The following FUT9 variants were observed in gnomAD, a reference collection of about 807,000 sequenced individuals.
FUT9 encodes fucosyltransferase 9.
Under a neutral mutation model 29.7 loss-of-function variants are expected in FUT9, and 15 were observed. That is an observed-to-expected ratio of 0.51 (90% CI 0.34 to 0.78). The LOEUF (loss-of-function observed/expected upper bound fraction) is 0.78. Among genes scored for constraint, FUT9 ranks in the 30% least tolerant of loss-of-function variants. FUT9 has a pLI of 0.01. For missense variants in FUT9, 319 were observed against 425.4 expected, an observed-to-expected ratio of 0.75 and a Z score of 2.20; for synonymous variants, 169 against 153.7, an observed-to-expected ratio of 1.10 and a Z score of -0.74.
In FUT9 at chr6:96,036,086, A is replaced by C. The variant is rs1337125746; in HGVS notation, c.-98+19874A>C. Reference sequence around the variant, plus strand: ...TAATATAATACAGTATTATAATTAAAATATAATATAATATTTAATAATAAT... The same window carrying C: ...TAATATAATACAGTATTATAATTAACATATAATATAATATTTAATAATAAT... On this transcript the variant is annotated intron_variant, in intron 1 of 2. Transcript: ENST00000302103. Among the ~76,000 whole-genome samples, 5 of 143,118 alleles carry C rather than the reference A, an allele frequency of 3.5e-5. No homozygotes were observed. The East Asian group carries it at 8.0e-4, about 23-fold the overall frequency. 93.9% of individuals were successfully genotyped at this position (143,118 alleles called of 152,430 possible). A position where few individuals can be genotyped will look rare whatever the true frequency, so the allele number is the denominator to read the frequency against.
intron 1 of FUT9, among the ~76,000 whole-genome samples, chr6:96,040,430 C>T (rs184421229): frequency 6.6e-6 from 1 of 152,210 alleles, no homozygotes; most frequent in East Asian, 1.9e-4. Flanking sequence ...AACTAGCAAT[C>T]CTCGATATTC....
At chr6:96,200,841 C>G (rs1773714835) in intron 2 of FUT9, among the ~76,000 whole-genome samples, 1 of 151,958 alleles carries the variant, frequency 6.6e-6, no homozygotes, top group Non-Finnish European at 1.5e-5. Flanking sequence ...AGAGATTGTC[C>G]AATTAAATTT....
At chr6:96,174,464 C>T (rs1450777916) in intron 2 of FUT9, among the ~76,000 whole-genome samples, 1 of 152,000 alleles carries the variant, frequency 6.6e-6, no homozygotes, top group Non-Finnish European at 1.5e-5. Flanking sequence ...AATAAAAAAA[C>T]ATCCCCACTG....
rs138824311 is a variant in FUT9 at position 96,158,398 on chromosome 6, G to A, written c.-9+44271G>A. Among the ~76,000 whole-genome samples the A allele has an allele frequency of 3.5e-4, 53 of 152,218 alleles. 1 individual carries two copies. Among genetic ancestry groups the A allele is most frequent in the African/African-American group, 1.2e-3 (51 of 41,560 alleles). ...ATGATATGTGTGTATGTATGTGTGT[G>A]TATTTCCTGAGACTTACTAAGATAT... On this transcript the variant is annotated intron_variant, in intron 2 of 2. Transcript: ENST00000302103.
chr6:96,103,415 A>G (rs1771621893), intron 1 of FUT9, among the ~76,000 whole-genome samples: 1 of 152,176 alleles, frequency 6.6e-6, no homozygotes, highest in Admixed American at 6.5e-5. Context: ...ATCTATGAGG[A>G]GTGTGTTAAT....
At chr6:96,191,783 C>T (rs1471698112) in intron 2 of FUT9, among the ~76,000 whole-genome samples, 3 of 151,066 alleles carry the variant, frequency 2.0e-5, no homozygotes, top group African/African-American at 7.3e-5. Context: ...AGAAAAAGAA[C>T]ATCGATGGAA....
intron 2 of FUT9, among the ~76,000 whole-genome samples, chr6:96,130,410 C>T (rs1296998254): frequency 6.6e-6 from 1 of 152,054 alleles, no homozygotes; most frequent in Admixed American, 6.6e-5. Context: ...CTCTCCCCAC[C>T]ATCATCTTGA....
At chr6:96,056,131 T>C (rs961508902) in intron 1 of FUT9, among the ~76,000 whole-genome samples, 22 of 152,344 alleles carry the variant, frequency 1.4e-4, no homozygotes, top group African/African-American at 5.3e-4. Flanking sequence ...TATACCTTCG[T>C]TATATATTCT....
chr6:96,164,336 G>A (rs1772972918), intron 2 of FUT9, among the ~76,000 whole-genome samples: 1 of 137,590 alleles, frequency 7.3e-6, no homozygotes, highest in African/African-American at 2.8e-5. Context: ...TCAGCTCACT[G>A]CAACCTCCGC....
chr6:96,069,277 C>T (rs145125309), intron 1 of FUT9, among the ~76,000 whole-genome samples: 6,271 of 151,292 alleles, frequency 0.041, 177 homozygotes, highest in South Asian at 0.12. Flanking sequence ...GCCGAGATCG[C>T]GCCACTGAAC....
rs117199632 is a variant in FUT9 at position 96,150,409 on chromosome 6, G to A, written c.-9+36282G>A. On this transcript the variant is annotated intron_variant, in intron 2 of 2. Coordinates refer to ENST00000302103, the MANE Select transcript of FUT9 (RefSeq NM_006581.4). ...GGTGTGAGGCACCAACTGAAAAGAG[G>A]ACTTGATCTTCCTGAGCCTCTAGTG... Among the ~76,000 whole-genome samples, 35 of 152,290 alleles carry A rather than the reference G, an allele frequency of 2.3e-4. No homozygotes were observed. The East Asian group carries it at 6.8e-3, about 29-fold the overall frequency.
Position 96,215,231 on chromosome 6 carries a change from C to T in FUT9, c.*10996C>T, listed in dbSNP as rs1038039632. On this transcript the variant is annotated 3_prime_UTR_variant, in exon 3 of 3. Coordinates refer to ENST00000302103, the MANE Select transcript of FUT9 (RefSeq NM_006581.4). ...CTATTTGGAGAACTCGTGTTTTCCA[C>T]AAATTAAACTGGAGATGTCATTTGA... The T allele has an allele frequency of 1.2e-5, 2 of 167,024 alleles. No individual in the cohort carries two copies. The highest frequency in any genetic ancestry group is 1.3e-4 in the Admixed American group (2 of 15,266). 10.3% of individuals were successfully genotyped at this position (167,024 alleles called of 1,614,324 possible). A position where few individuals can be genotyped will look rare whatever the true frequency, so the allele number is the denominator to read the frequency against.
At chr6:96,044,995 C>T (rs749915613) in intron 1 of FUT9, among the ~76,000 whole-genome samples, 18 of 151,962 alleles carry the variant, frequency 1.2e-4, no homozygotes, top group South Asian at 4.2e-4. Flanking sequence ...TGCTAAAGTT[C>T]GATAAAATAT....
At chr6:96,198,827 G>T (rs572819683) in intron 2 of FUT9, among the ~76,000 whole-genome samples, 1 of 152,130 alleles carries the variant, frequency 6.6e-6, no homozygotes, top group African/African-American at 2.4e-5. Context: ...GTGTGAGATG[G>T]TATCTCATTG....
At chr6:96,034,410 C>A (rs771230540) in intron 1 of FUT9, among the ~76,000 whole-genome samples, 1 of 150,052 alleles carries the variant, frequency 6.7e-6, no homozygotes, top group African/African-American at 2.4e-5. Flanking sequence ...ATCAAACTGG[C>A]GGAGAAAAAA....
At chr6:96,046,152 T>G (rs949608807) in intron 1 of FUT9, among the ~76,000 whole-genome samples, 17 of 12,684 alleles carry the variant, frequency 1.3e-3, no homozygotes, top group African/African-American at 2.0e-3. Flanking sequence ...TTCAAAGTTG[T>G]TTTTTTTTTT....
At chr6:96,180,293 T>G (rs1773281138) in intron 2 of FUT9, among the ~76,000 whole-genome samples, 1 of 152,024 alleles carries the variant, frequency 6.6e-6, no homozygotes. Flanking sequence ...TTTTCTCAGT[T>G]TTTAGATGAA....
At chr6:96,179,709 A>G (rs954534673) in intron 2 of FUT9, among the ~76,000 whole-genome samples, 1 of 152,038 alleles carries the variant, frequency 6.6e-6, no homozygotes, top group Non-Finnish European at 1.5e-5. Flanking sequence ...ATAAAAATTA[A>G]GAAAATGATA....
rs1200332973 is a variant in FUT9 at position 96,205,378 on chromosome 6, T to A, written c.*1143T>A. 1.2e-5 allele frequency: 2 copies of A among 167,108 alleles called. No homozygotes were observed. The highest frequency in any genetic ancestry group is 4.8e-5 in the African/African-American group (2 of 41,546). 10.4% of individuals were successfully genotyped at this position (167,108 alleles called of 1,614,324 possible). ...TTGTTGGATGAATAAATAAATGCAA[T>A]TGAATTCCCAGAAAAATGATTGTTT... is the stretch of plus-strand genomic sequence containing the variant. On this transcript the variant is annotated 3_prime_UTR_variant, in exon 3 of 3. Transcript: ENST00000302103.
Sources: gnomAD v4.1 joint callset for allele counts (sites outside exome capture counted in the v4.1 genomes callset) on GRCh38, gnomAD v4.1.1 for gene constraint, MANE v1.5 for transcripts, NCBI Gene and HGNC (gene_info 2026-07-23, HGNC 2026-07-21) for gene names.